The following LGSN variants were observed in gnomAD, a reference collection of about 807,000 sequenced individuals.
LGSN encodes the protein lengsin, lens protein with glutamine synthetase domain, also known as lengsin.
LGSN carries 21 observed loss-of-function variants against 19.5 expected under a neutral mutation model. The observed-to-expected ratio is 1.07, with a 90% CI of 0.76 to 1.55. The LOEUF is 1.55. Among genes scored for constraint, LGSN ranks in the 40% most tolerant of loss-of-function variants. The pLI is 0.00. For missense variants in LGSN, 673 were observed against 608.5 expected (o/e 1.11, Z -1.12); for synonymous variants, 257 against 215.6 (o/e 1.19, Z -1.68).
chr6:63,432,193 GAAAAGAAAAGA>G, the LGSN span, among the ~76,000 whole-genome samples: 170 of 30,510 alleles, frequency 5.6e-3, no homozygotes, highest in African/African-American at 0.016. Context: ...GAAAAGAAAA[GAAAAGAAAAGA>G]AAAGAAAAGA....
chr6:63,412,035 T>G, the LGSN span, among the ~76,000 whole-genome samples: 1 of 152,086 alleles, frequency 6.6e-6, no homozygotes, highest in African/African-American at 2.4e-5. Context: ...AGAGAAAAAC[T>G]TAAAATAGTG....
chr6:63,323,201 A>T (rs991936819), upstream of LGSN, among the ~76,000 whole-genome samples: 1 of 152,190 alleles, frequency 6.6e-6, no homozygotes, highest in Admixed American at 6.5e-5. Flanking sequence ...AATTATTCCA[A>T]AACAGCCCAA....
At chr6:63,311,731 A>G (rs1157615101) in intron 1 of LGSN, among the ~76,000 whole-genome samples, 1 of 152,228 alleles carries the variant, frequency 6.6e-6, no homozygotes, top group Non-Finnish European at 1.5e-5. Flanking sequence ...AAAATATTTT[A>G]AAATCCACGC....
In LGSN at chr6:63,281,205, C is replaced by T; in HGVS notation, c.346G>A (p.Gly116Ser). The change falls in exon 4 of 4, where the codon GGT (glycine) becomes AGT (serine). Residue 116 changes from glycine (G) to serine (S), a missense_variant. Transcript: ENST00000370657. ...AGATAACCTCGGGGCATGCAAACAC[C>T]ATGGCTCACTTTCTCCTAAAGAAGG... ...AHFFQEKVSH[G>S]VCMPRGYLEV... 1.3e-6 allele frequency: 2 copies of T among 1,556,666 alleles called. No individual in the cohort carries two copies. The highest frequency in any genetic ancestry group is 2.5e-5 in the South Asian group (2 of 80,636).
the LGSN span, chr6:63,571,383 G>A: frequency 1.3e-5 from 2 of 152,168 alleles, no homozygotes; most frequent in Non-Finnish European, 2.9e-5. Context: ...TTAAAAAGCA[G>A]GTAAAGGTCC....
At chr6:63,560,338 C>CAAAA in the LGSN span, among the ~76,000 whole-genome samples, 20 of 48,710 alleles carry the variant, frequency 4.1e-4, no homozygotes, top group Non-Finnish European at 5.5e-4. Context: ...GACTCCGTCT[C>CAAAA]AAAAAAAAAA....
chr6:63,494,308 A>T, the LGSN span, among the ~76,000 whole-genome samples: 1 of 152,186 alleles, frequency 6.6e-6, no homozygotes, highest in African/African-American at 2.4e-5. Context: ...GCAGCAGCCT[A>T]TAGCAGCTTA....
chr6:63,336,551 G>GTATATATATATATA, the LGSN span, among the ~76,000 whole-genome samples: 2 of 139,916 alleles, frequency 1.4e-5, no homozygotes, highest in African/African-American at 5.9e-5. Flanking sequence ...GTGTGTGTGT[G>GTATATATATATATA]TGTGTGTGTG....
the LGSN span, among the ~76,000 whole-genome samples, chr6:63,330,310 A>G: frequency 1.3e-5 from 2 of 152,186 alleles, no homozygotes; most frequent in South Asian, 2.1e-4. Context: ...TCTGAGGGAC[A>G]TGACTAAGGC....
the LGSN span, among the ~76,000 whole-genome samples, chr6:63,498,904 G>C: frequency 6.6e-6 from 1 of 152,042 alleles, no homozygotes; most frequent in African/African-American, 2.4e-5. Flanking sequence ...TATACCAAAA[G>C]GCCATTTGGT....
chr6:63,567,226 C>G, the LGSN span, among the ~76,000 whole-genome samples: 1 of 152,196 alleles, frequency 6.6e-6, no homozygotes, highest in Non-Finnish European at 1.5e-5. Context: ...AGAATCCTTT[C>G]CAGAATGTTT....
rs192141288 is a variant in LGSN at position 63,296,975 on chromosome 6, C to T, written c.31-1930G>A. On this transcript the variant is annotated intron_variant, in intron 1 of 3. Transcript: ENST00000370657. ...ACATTCACCTGCCCTCATATAAACC[C>T]GATCAAAAGAGAAAGTTTCTTAAGA... 1.1e-3 allele frequency among the ~76,000 whole-genome samples: 165 copies of T among 151,626 alleles called. 2 individuals are homozygous for T. Among genetic ancestry groups the T allele is most frequent in the African/African-American group, 3.7e-3 (151 of 41,334 alleles).
the LGSN span, chr6:63,441,890 C>T: frequency 1.2e-5 from 3 of 259,972 alleles, no homozygotes; most frequent in East Asian, 1.2e-4. Flanking sequence ...CCTTTGTGTC[C>T]GGAATAATGG....
At chr6:63,486,261 G>A in the LGSN span, among the ~76,000 whole-genome samples, 3 of 152,064 alleles carry the variant, frequency 2.0e-5, no homozygotes, top group South Asian at 2.1e-4. Context: ...CTCCTACAAA[G>A]TTGAAAGCAT....
At chr6:63,374,876 G>C in the LGSN span, among the ~76,000 whole-genome samples, 2 of 151,990 alleles carry the variant, frequency 1.3e-5, no homozygotes, top group Admixed American at 6.6e-5. Context: ...TCCATCTCTT[G>C]CTTAAGGAAA....
At chr6:63,529,135 G>GTATATATATATATA in the LGSN span, among the ~76,000 whole-genome samples, 1 of 133,920 alleles carries the variant, frequency 7.5e-6, no homozygotes, top group Admixed American at 7.9e-5. Context: ...ATATATGTGT[G>GTATATATATATATA]TGTATATATA....
At chr6:63,524,159 G>C in the LGSN span, among the ~76,000 whole-genome samples, 1 of 151,996 alleles carries the variant, frequency 6.6e-6, no homozygotes. Context: ...TAATTTTTGT[G>C]TTTTGAGTAG....
the LGSN span, among the ~76,000 whole-genome samples, chr6:63,503,760 C>A: frequency 3.3e-5 from 5 of 151,966 alleles, no homozygotes; most frequent in Admixed American, 3.3e-4. Flanking sequence ...ACTAAAAATA[C>A]AAAAAATTAG....
the LGSN span, among the ~76,000 whole-genome samples, chr6:63,573,051 G>A: frequency 6.6e-6 from 1 of 152,020 alleles, no homozygotes; most frequent in Non-Finnish European, 1.5e-5. Context: ...TTCCGCAGCG[G>A]GCCGGGTGGG....
Sources: gnomAD v4.1 joint callset for allele counts (sites outside exome capture counted in the v4.1 genomes callset) on GRCh38, gnomAD v4.1.1 for gene constraint, MANE v1.5 for transcripts, NCBI Gene and HGNC (gene_info 2026-07-23, HGNC 2026-07-21) for gene names.